The following SPTBN1 variants were observed in gnomAD, a reference collection of about 807,000 sequenced individuals.
The protein encoded by SPTBN1 is spectrin beta, non-erythrocytic 1.
Under a neutral mutation model 266.4 loss-of-function variants are expected in SPTBN1, and 32 were observed. The ratio of observed to expected loss-of-function variants is 0.12; its 90% CI spans 0.09 to 0.16. The LOEUF (loss-of-function observed/expected upper bound fraction) is 0.16. Ranked by LOEUF, SPTBN1 falls within the 10% of genes least tolerant of loss-of-function variation. SPTBN1 has a pLI of 1.00. For missense variants in SPTBN1, 2,296 were observed against 3,067.1 expected (o/e 0.75, Z 5.94); for synonymous variants, 1,336 against 1,162.2 (o/e 1.15, Z -3.04).
In SPTBN1 at chr2:54,558,895, C is replaced by G. The variant is rs769842417; in HGVS notation, c.148+32329C>G. The G allele has an allele frequency of 2.5e-6, 4 of 1,612,222 alleles. No homozygotes were observed. Among genetic ancestry groups the G allele is most frequent in the Non-Finnish European group, 3.4e-6 (4 of 1,178,948 alleles). ...GATTCAAGCAGCTGCAAGGTAAGCC[C>G]CCTCCCAAAGGCCGGGCCTGTCCTG... On this transcript the variant is annotated intron_variant, in intron 2 of 35. Coordinates refer to ENST00000356805, the MANE Select transcript of SPTBN1 (RefSeq NM_003128.3). The surrounding 1 kb of genome is among the most constrained non-coding windows in gnomAD (Gnocchi z 4.6).
intron 2 of SPTBN1, among the ~76,000 whole-genome samples, chr2:54,575,042 G>A (rs1674365465): frequency 2.0e-5 from 3 of 152,214 alleles, no homozygotes; most frequent in East Asian, 1.9e-4. Flanking sequence ...TGCAGCAAGA[G>A]GGGGCCGTTT....
chr2:54,481,180 TGAA>T (rs1668078949), intron 1 of SPTBN1, among the ~76,000 whole-genome samples: 1 of 151,348 alleles, frequency 6.6e-6, no homozygotes, highest in Admixed American at 6.6e-5. Context: ...ATCCTAGAAA[TGAA>T]GAACAGGTTT....
chr2:54,665,447 T>G (rs1325133225), intron 33 of SPTBN1, among the ~76,000 whole-genome samples: 1 of 152,200 alleles, frequency 6.6e-6, no homozygotes, highest in Non-Finnish European at 1.5e-5. Context: ...CCAAAGGTAC[T>G]GTAAGTGCTG....
intron 1 of SPTBN1, among the ~76,000 whole-genome samples, chr2:54,493,412 T>G (rs1379605997): frequency 3.4e-5 from 5 of 146,698 alleles, no homozygotes; most frequent in African/African-American, 4.9e-5. Flanking sequence ...TTTTCTTTTT[T>G]GGGGGGTTGG....
At chr2:54,552,068 G>C (rs571039157) in intron 2 of SPTBN1, among the ~76,000 whole-genome samples, 1 of 152,118 alleles carries the variant, frequency 6.6e-6, no homozygotes, top group African/African-American at 2.4e-5. Flanking sequence ...CCAGAGGGAG[G>C]ACTGGTCCTG....
rs1407603452 is a variant in SPTBN1, at chr2:54,632,890, CCAG to C, written c.3767+126_3767+128del. 3.8e-6 allele frequency: 4 copies of C among 1,055,214 alleles called. No homozygotes were observed. The African/African-American group carries it at 6.4e-5, about 17-fold the overall frequency. The allele number at this position is 1,055,214 out of a possible 1,614,324, so 65.4% of individuals were successfully genotyped here. A position where few individuals can be genotyped will look rare whatever the true frequency, so the allele number is the denominator to read the frequency against. The stretch of plus-strand genomic sequence containing the variant: ...TTCCCAGTGGGCAGAATATGGGTGC[CCAG>C]CAGAAGTTCATCTACCCATACAGAA... On this transcript the variant is annotated intron_variant, in intron 17 of 35. Transcript: ENST00000356805.
At chr2:54,528,463 T>G (rs1251681693) in intron 2 of SPTBN1, 1 of 152,604 alleles carries the variant, frequency 6.6e-6, no homozygotes, top group Admixed American at 6.5e-5. Context: ...GTCATAATAA[T>G]AGCAAGCACT....
At chr2:54,570,590 T>A (rs1272662230) in intron 2 of SPTBN1, among the ~76,000 whole-genome samples, 5 of 152,134 alleles carry the variant, frequency 3.3e-5, no homozygotes, top group Non-Finnish European at 5.9e-5. Flanking sequence ...GAGTGAGAGC[T>A]ATTGTTTTAA....
rs1673045150 is a variant in SPTBN1 at position 54,558,608 on chromosome 2, ACT to A, written c.148+32047_148+32048del. 1 of 1,418,052 alleles carries A rather than the reference ACT, an allele frequency of 7.1e-7. No homozygotes were observed. Among genetic ancestry groups the A allele is most frequent in the Non-Finnish European group, 9.2e-7 (1 of 1,084,026 alleles). 87.8% of individuals were successfully genotyped at this position (1,418,052 alleles called of 1,614,324 possible). On this transcript the variant is annotated intron_variant, in intron 2 of 35. Coordinates refer to ENST00000356805, the MANE Select transcript of SPTBN1 (RefSeq NM_003128.3). The surrounding 1 kb of genome is among the most constrained non-coding windows in gnomAD (Gnocchi z 4.6). ...GTAACTCCTCGCGGAGCTAAGGTGG[ACT>A]CTCTTGCAGCCAACTTCCCATCAGA...
At chr2:54,622,022 A>G (rs143565510) in intron 8 of SPTBN1, among the ~76,000 whole-genome samples, 302 of 152,328 alleles carry the variant, frequency 2.0e-3, no homozygotes, top group African/African-American at 7.1e-3. Flanking sequence ...AGGCTACAGA[A>G]ATCATTCAGA....
chr2:54,536,765 T>A (rs1297851485), intron 2 of SPTBN1, among the ~76,000 whole-genome samples: 1 of 152,146 alleles, frequency 6.6e-6, no homozygotes, highest in Non-Finnish European at 1.5e-5. Flanking sequence ...GGAGCTGTGG[T>A]TCATGCCTGT....
chr2:54,546,354 A>G (rs1315171303), intron 2 of SPTBN1: 1 of 152,226 alleles, frequency 6.6e-6, no homozygotes. Context: ...GGGTATCACA[A>G]AAACTTCAGA....
At position 54,623,565 on chromosome 2, in the gene SPTBN1, G is replaced by C; in HGVS notation, c.1151G>C (p.Arg384Pro). 1.2e-6 allele frequency: 2 copies of C among 1,614,100 alleles called. No individual in the cohort carries two copies. The highest frequency in any genetic ancestry group is 2.7e-5 in the African/African-American group (2 of 75,046). ...AACAACCAGAAGGTCTACATGCCCC[G>C]GGAGGGGAAGCTCATCTCTGACATC... The part of the protein sequence containing the change: ...RANNQKVYMP[R>P]EGKLISDINK... The change falls in exon 10 of 36, where the codon CGG becomes CCG. Residue 384 changes from arginine (R) to proline (P), a missense_variant. By Grantham distance (103) the Arg-to-Pro change is moderately radical. This residue lies in a region of SPTBN1 where 148 missense variants were observed against 203.8 expected (regional missense o/e 0.73). Transcript: ENST00000356805.
intron 32 of SPTBN1, chr2:54,660,418 C>T: frequency 9.2e-6 from 10 of 1,087,606 alleles, no homozygotes; most frequent in Non-Finnish European, 1.1e-5. Flanking sequence ...ATGACACATT[C>T]AGTTATTCTA....
chr2:54,637,507 C>T (rs1227676071), intron 17 of SPTBN1, among the ~76,000 whole-genome samples: 1 of 152,118 alleles, frequency 6.6e-6, no homozygotes, highest in Non-Finnish European at 1.5e-5. Flanking sequence ...GTGGTTTGGG[C>T]AGATTTTTGG....
At chr2:54,534,607 T>G (rs1438175100) in intron 2 of SPTBN1, among the ~76,000 whole-genome samples, 2 of 152,224 alleles carry the variant, frequency 1.3e-5, no homozygotes, top group East Asian at 3.8e-4. Context: ...GCTTTACTTT[T>G]TTAGGTGTAG....
At position 54,659,258 on chromosome 2, in the gene SPTBN1, G is replaced by A. The variant is rs754466415; in HGVS notation, c.6348G>A (p.Gln2116=). The stretch of plus-strand genomic sequence containing the variant: ...AGGTTTCAGAGGAAGCCGAGTCCCA[G>A]CAGCAGTGGTGAGTCCCAGCAGCTC... The part of the protein sequence containing the change: ...STKVSEEAES[Q]QQWDTSKGEQ... Residue 2116 remains glutamine, a synonymous_variant, in exon 31 of 36, where the codon CAG becomes CAA. Transcript: ENST00000356805. 7 of 1,614,042 alleles carry A rather than the reference G, an allele frequency of 4.3e-6. No homozygotes were observed. Among genetic ancestry groups the A allele is most frequent in the Non-Finnish European group, 5.1e-6 (6 of 1,179,970 alleles).
At chr2:54,488,203 T>A (rs948920209) in intron 1 of SPTBN1, among the ~76,000 whole-genome samples, 5 of 152,138 alleles carry the variant, frequency 3.3e-5, no homozygotes, top group African/African-American at 4.8e-5. Flanking sequence ...CTAGGTGATT[T>A]TGGTGACCAT....
intron 17 of SPTBN1, among the ~76,000 whole-genome samples, chr2:54,636,122 C>A (rs1337776038): frequency 6.6e-6 from 1 of 152,026 alleles, no homozygotes. Context: ...CTAACCCATG[C>A]CTTGGAGTTT....
Sources: allele counts gnomAD v4.1 joint callset (sites outside exome capture counted in the v4.1 genomes callset), GRCh38; gene constraint gnomAD v4.1.1; regional missense constraint gnomAD v4.1.1; non-coding constraint Gnocchi (gnomAD v3.1); transcripts MANE v1.5; gene names NCBI Gene and HGNC (gene_info 2026-07-23, HGNC 2026-07-21).